The following CASK variants were observed in gnomAD, a reference collection of about 807,000 sequenced individuals.
The protein encoded by CASK is peripheral plasma membrane protein CASK.
In CASK, 4 loss-of-function variants were observed where a neutral mutation model predicts 82.9. That is an observed-to-expected ratio of 0.05 (90% CI 0.02 to 0.11). The LOEUF is 0.11. CASK is among the 10% of genes least tolerant of loss of function. The pLI, the probability that CASK is intolerant of heterozygous loss-of-function variation, is 1.00. For synonymous variants in CASK, 259 were observed against 253.5 expected (o/e 1.02, Z -0.20); for missense variants, 358 against 720.9 (o/e 0.50, Z 5.76).
At chrX:41,894,597 T>TAAAA (rs1209248352) in intron 1 of CASK, among the ~76,000 whole-genome samples, 7 of 40,484 alleles carry the variant, frequency 1.7e-4, no homozygotes, top group East Asian at 6.5e-4. Flanking sequence ...ACCCAAATAT[T>TAAAA]AAAAAAAAAA....
At chrX:41,794,845 T>C (rs2069815055) in intron 2 of CASK, among the ~76,000 whole-genome samples, 1 of 112,679 alleles carries the variant, frequency 8.9e-6, no homozygotes, top group South Asian at 3.6e-4. Flanking sequence ...ACTTTCATAA[T>C]TGTGTTATCT....
intron 2 of CASK, chrX:41,790,052 C>T (rs1319423984): frequency 4.6e-6 from 1 of 216,293 alleles, no homozygotes; most frequent in Non-Finnish European, 7.9e-6. Context: ...GCGTCAGCCT[C>T]CTGAATAGCT....
chrX:41,856,261 G>A (rs2071368534), intron 1 of CASK, among the ~76,000 whole-genome samples: 1 of 111,564 alleles, frequency 9.0e-6, no homozygotes, highest in African/African-American at 3.3e-5. Context: ...ATACCAAAGG[G>A]GTTTTTAAAA....
rs141840001 is a variant in CASK, at chrX:41,559,798, G to A, written c.1718C>T (p.Thr573Ile). ...ITFKIVPSYRTQSSSCERDSP... is the reference protein window; with the variant it reads ...ITFKIVPSYRIQSSSCERDSP... ...CATTACCTCACAGGACGAAGACTGA[G>A]TGCGGTAACTTGGCACAATCTTGAA... The change falls in exon 18 of 27, where the codon ACT becomes ATT. Residue 573 changes from threonine to isoleucine, a missense_variant. By Grantham distance (89) the Thr-to-Ile change is moderately conservative. Coordinates refer to ENST00000378163, the MANE Select transcript of CASK (RefSeq NM_001367721.1). 175 of 1,209,115 alleles carry A rather than the reference G, an allele frequency of 1.4e-4. No individual in the cohort carries two copies. Among genetic ancestry groups the A allele is most frequent in the Non-Finnish European group, 1.9e-4 (167 of 894,181 alleles).
At chrX:41,794,636 C>T in intron 2 of CASK, among the ~76,000 whole-genome samples, 1 of 111,907 alleles carries the variant, frequency 8.9e-6, no homozygotes. Flanking sequence ...CATGTTAGAG[C>T]CCGAAGGAAC....
chrX:41,847,058 C>T (rs913469535), intron 2 of CASK, among the ~76,000 whole-genome samples: 3 of 112,003 alleles, frequency 2.7e-5, no homozygotes, highest in African/African-American at 9.7e-5. Flanking sequence ...CTCCCCTTGT[C>T]TGTAGCTTTT....
At chrX:41,848,999 C>CT (rs1374787928) in intron 2 of CASK, among the ~76,000 whole-genome samples, 5 of 111,346 alleles carry the variant, frequency 4.5e-5, no homozygotes, top group East Asian at 2.8e-4. Context: ...TCAGTTTTCT[C>CT]TTTTTTTTAA....
At chrX:41,785,405 C>A (rs1010650626) in intron 3 of CASK, among the ~76,000 whole-genome samples, 2 of 112,135 alleles carry the variant, frequency 1.8e-5, no homozygotes, top group Non-Finnish European at 3.8e-5. Flanking sequence ...TCCTATTCTG[C>A]AGACATTCCA....
At chrX:41,593,726 T>C (rs2065778597) in intron 12 of CASK, among the ~76,000 whole-genome samples, 1 of 112,485 alleles carries the variant, frequency 8.9e-6, no homozygotes, top group African/African-American at 3.2e-5. Flanking sequence ...AATACTTTAG[T>C]GATATCCATA....
intron 13 of CASK, among the ~76,000 whole-genome samples, chrX:41,588,743 GA>G (rs199898721): frequency 0.039 from 3,383 of 86,244 alleles, 143 homozygotes; most frequent in African/African-American, 0.13. Flanking sequence ...ATCAAAAAAT[GA>G]AAAAAAAAAA....
At position 41,660,567 on chromosome X, in the gene CASK, G is replaced by C. The variant is rs780772643; in HGVS notation, c.709-6C>G. On this transcript the variant is annotated splice_region_variant and splice_polypyrimidine_tract_variant and intron_variant, in intron 7 of 26. Coordinates refer to ENST00000378163, the MANE Select transcript of CASK (RefSeq NM_001367721.1). Reference sequence around the variant, plus strand: ...CTCCACTGCCTTGGATTCATCTGAGGAGGAGGAAAGGAAAACTACATAGTT... The same window carrying C: ...CTCCACTGCCTTGGATTCATCTGAGCAGGAGGAAAGGAAAACTACATAGTT... 2 of 1,203,315 alleles carry C rather than the reference G, an allele frequency of 1.7e-6. No individual in the cohort carries two copies. The highest frequency in any genetic ancestry group is 1.1e-6 in the Non-Finnish European group (1 of 887,681).
At chrX:41,794,497 A>G (rs1322737621) in intron 2 of CASK, among the ~76,000 whole-genome samples, 1 of 112,481 alleles carries the variant, frequency 8.9e-6, no homozygotes, top group South Asian at 3.7e-4. Flanking sequence ...GGGGAAGATC[A>G]GGGCATTTGA....
intron 3 of CASK, among the ~76,000 whole-genome samples, chrX:41,778,319 C>T (rs1392498125): frequency 9.2e-6 from 1 of 108,196 alleles, no homozygotes; most frequent in Non-Finnish European, 1.9e-5. Flanking sequence ...CAACCTCTGC[C>T]TCCCAGGTTC....
chrX:41,903,377 G>A (rs2072416318), intron 1 of CASK, among the ~76,000 whole-genome samples: 1 of 111,985 alleles, frequency 8.9e-6, no homozygotes, highest in African/African-American at 3.2e-5. Flanking sequence ...GCAACAAAGT[G>A]GGAGTGAAGG....
At chrX:41,669,374 C>T (rs1161963380) in intron 6 of CASK, among the ~76,000 whole-genome samples, 1 of 110,649 alleles carries the variant, frequency 9.0e-6, no homozygotes, top group Non-Finnish European at 1.9e-5. Context: ...CATCTATTTT[C>T]CCCCCCAGTC....
intron 1 of CASK, among the ~76,000 whole-genome samples, chrX:41,859,213 GTGAA>G (rs764045923): frequency 9.0e-6 from 1 of 111,265 alleles, no homozygotes; most frequent in East Asian, 2.8e-4. Flanking sequence ...TAGGAAAACC[GTGAA>G]TGATTTAAAA....
chrX:41,891,376 C>G (rs1286527052), intron 1 of CASK, among the ~76,000 whole-genome samples: 3 of 111,038 alleles, frequency 2.7e-5, no homozygotes, highest in Non-Finnish European at 5.7e-5. Context: ...ATTTTGCACT[C>G]AGATTACAGC....
chrX:41,814,150 G>A (rs1165306711), intron 2 of CASK, among the ~76,000 whole-genome samples: 3 of 112,077 alleles, frequency 2.7e-5, no homozygotes, highest in Non-Finnish European at 5.6e-5. Flanking sequence ...TGGTGGGAGT[G>A]TAAACTAGTT....
intron 1 of CASK, among the ~76,000 whole-genome samples, chrX:41,909,795 C>T (rs182964685): frequency 2.5e-4 from 28 of 111,535 alleles, no homozygotes; most frequent in South Asian, 3.7e-4. Context: ...TTAGTAGAGA[C>T]GAGGTTTCAC....
Sources: gnomAD v4.1 joint callset for allele counts (sites outside exome capture counted in the v4.1 genomes callset) on GRCh38, gnomAD v4.1.1 for gene constraint, MANE v1.5 for transcripts, NCBI Gene and HGNC (gene_info 2026-07-23, HGNC 2026-07-21) for gene names.